The following IGF1R variants were observed in gnomAD, a reference collection of about 807,000 sequenced individuals.
IGF1R encodes the protein insulin-like growth factor 1 receptor.
A neutral mutation model predicts 144.6 loss-of-function variants in IGF1R; 44 were observed. The ratio of observed to expected loss-of-function variants is 0.30; its 90% CI spans 0.24 to 0.39. The LOEUF (loss-of-function observed/expected upper bound fraction) is 0.39, where lower values mean the gene tolerates loss of function less well. IGF1R is among the 10% of genes least tolerant of loss of function. IGF1R has a pLI of 1.00. For synonymous variants in IGF1R, 795 were observed against 722.8 expected, an observed-to-expected ratio of 1.10 and a Z score of -1.60; for missense variants, 1,355 against 1,833.7, an observed-to-expected ratio of 0.74 and a Z score of 4.77.
intron 2 of IGF1R, among the ~76,000 whole-genome samples, chr15:98,858,647 A>G (rs1294840902): frequency 2.0e-5 from 3 of 152,310 alleles, no homozygotes; most frequent in African/African-American, 7.2e-5. Context: ...CACAGACTCC[A>G]CCTTTCAGGA....
In IGF1R at chr15:98,648,639, G is replaced by T. The variant is rs981570115; in HGVS notation, c.-943G>T. On this transcript the variant is annotated 5_prime_UTR_variant, in exon 1 of 21. Coordinates refer to ENST00000650285, the MANE Select transcript of IGF1R (RefSeq NM_000875.5). ...AAAAAAAGGGAAAAAACCCGAGGAGGAGCGAGCGCACCAGGCGAACTCGAG... is the reference window on the plus strand; with the variant it reads ...AAAAAAAGGGAAAAAACCCGAGGAGTAGCGAGCGCACCAGGCGAACTCGAG... Among the ~76,000 whole-genome samples, 2 of 147,124 alleles carry T rather than the reference G, an allele frequency of 1.4e-5. No homozygotes were observed. The highest frequency in any genetic ancestry group is 2.4e-5 in the African/African-American group (1 of 40,818).
intron 11 of IGF1R, among the ~76,000 whole-genome samples, chr15:98,922,919 C>G (rs374795945): frequency 3.9e-4 from 60 of 152,294 alleles, no homozygotes; most frequent in African/African-American, 1.3e-3. Flanking sequence ...GCCTGTCACT[C>G]GGGCATTCAT....
At chr15:98,780,161 TAAATA>T (rs531648154) in intron 2 of IGF1R, among the ~76,000 whole-genome samples, 211 of 151,058 alleles carry the variant, frequency 1.4e-3, no homozygotes, top group Non-Finnish European at 1.7e-3. Flanking sequence ...AATAAAAAAA[TAAATA>T]AAATAAAAAA....
Position 98,665,178 on chromosome 15 carries a change from C to T in IGF1R, c.94+15503C>T, listed in dbSNP as rs192999002. ...GTGTTAGCCAGGATGGTCTTGATCTCCTGACCTTGTGATCCGCCCACCTCG... is the reference window on the plus strand; with the variant it reads ...GTGTTAGCCAGGATGGTCTTGATCTTCTGACCTTGTGATCCGCCCACCTCG... On this transcript the variant is annotated intron_variant, in intron 1 of 20. Coordinates refer to ENST00000650285, the MANE Select transcript of IGF1R (RefSeq NM_000875.5). Among the ~76,000 whole-genome samples, 59 of 152,256 alleles carry T rather than the reference C, an allele frequency of 3.9e-4. No individual in the cohort carries two copies. The East Asian group carries it at 7.9e-3, about 20-fold the overall frequency.
At chr15:98,842,854 A>G (rs557030877) in intron 2 of IGF1R, among the ~76,000 whole-genome samples, 1 of 152,348 alleles carries the variant, frequency 6.6e-6, no homozygotes, top group African/African-American at 2.4e-5. Context: ...CTAGCCATGC[A>G]GTGACTCGTT....
chr15:98,902,781 C>T (rs2014550992), intron 5 of IGF1R, among the ~76,000 whole-genome samples: 1 of 152,208 alleles, frequency 6.6e-6, no homozygotes, highest in South Asian at 2.1e-4. Flanking sequence ...GATGAAAGTT[C>T]TGTTCTGTAG....
chr15:98,921,552 G>A (rs1171051887), intron 10 of IGF1R, among the ~76,000 whole-genome samples: 1 of 152,086 alleles, frequency 6.6e-6, no homozygotes, highest in Admixed American at 6.5e-5. Context: ...AAGCACAGAC[G>A]CTTGGGGTTG....
At chr15:98,781,592 A>T (rs1443287890) in intron 2 of IGF1R, among the ~76,000 whole-genome samples, 2 of 152,198 alleles carry the variant, frequency 1.3e-5, no homozygotes, top group Admixed American at 6.5e-5. Flanking sequence ...GCTATTTATC[A>T]AATGCTTTTT....
intron 20 of IGF1R, among the ~76,000 whole-genome samples, chr15:98,950,814 C>CA (rs1315119206): frequency 1.3e-5 from 2 of 152,170 alleles, no homozygotes; most frequent in Non-Finnish European, 2.9e-5. Context: ...ATATTTACAC[C>CA]AGGGGCAACG....
At chr15:98,664,622 G>GTTGGAGA (rs1237976523) in intron 1 of IGF1R, among the ~76,000 whole-genome samples, 1 of 150,056 alleles carries the variant, frequency 6.7e-6, no homozygotes, top group African/African-American at 2.5e-5. Flanking sequence ...GAGGTTGGAG[G>GTTGGAGA]TTGGAGGTTG....
At chr15:98,916,972 T>C in intron 10 of IGF1R, 96 bp downstream of exon 10, 1 of 1,048,464 alleles carries the variant, frequency 9.5e-7, no homozygotes, top group Non-Finnish European at 1.5e-6. Context: ...AGTCAGCAGC[T>C]GGGGGGTACA....
Position 98,913,025 on chromosome 15 carries a change from G to A in IGF1R, c.1590-19G>A, listed in dbSNP as rs200562620. The A allele has an allele frequency of 1.7e-4, 274 of 1,591,670 alleles. 2 individuals carry two copies. The highest frequency in any genetic ancestry group is 4.3e-4 in the Admixed American group (26 of 60,000). ...GATGTCAGAGCCCCGAACTTTCTCT[G>A]AACTTAATTGTCTTTCAGACCCTTT... On this transcript the variant is annotated intron_variant, in intron 7 of 20. Transcript: ENST00000650285.
At chr15:98,680,223 G>T (rs930182908) in intron 1 of IGF1R, among the ~76,000 whole-genome samples, 2 of 151,688 alleles carry the variant, frequency 1.3e-5, no homozygotes, top group African/African-American at 4.8e-5. Context: ...GCAACTTCCA[G>T]TCCTGCAAGC....
chr15:98,748,261 G>A (rs1180772818), intron 2 of IGF1R, among the ~76,000 whole-genome samples: 3 of 152,164 alleles, frequency 2.0e-5, no homozygotes, highest in Non-Finnish European at 4.4e-5. Flanking sequence ...CAAACACCTG[G>A]GTTCAAGGGA....
intron 2 of IGF1R, among the ~76,000 whole-genome samples, chr15:98,861,423 C>T (rs2012149879): frequency 6.6e-6 from 1 of 152,156 alleles, no homozygotes; most frequent in African/African-American, 2.4e-5. Flanking sequence ...CTGCATGCAG[C>T]GCTGGTGCTC....
At chr15:98,950,769 G>A (rs563765959) in intron 20 of IGF1R, among the ~76,000 whole-genome samples, 1 of 152,260 alleles carries the variant, frequency 6.6e-6, no homozygotes, top group South Asian at 2.1e-4. Context: ...ATGTTCACAA[G>A]TCCCACCCGT....
chr15:98,835,389 A>T (rs534529551), intron 2 of IGF1R, among the ~76,000 whole-genome samples: 1 of 152,308 alleles, frequency 6.6e-6, no homozygotes, highest in African/African-American at 2.4e-5. Context: ...TTCCCTTCTT[A>T]CCCTTTCAAA....
At chr15:98,833,954 C>T (rs1477449121) in intron 2 of IGF1R, among the ~76,000 whole-genome samples, 1 of 151,984 alleles carries the variant, frequency 6.6e-6, no homozygotes, top group Non-Finnish European at 1.5e-5. Flanking sequence ...CTCGAATTAC[C>T]CTTGTTGAGT....
intron 1 of IGF1R, among the ~76,000 whole-genome samples, chr15:98,702,194 A>G (rs940058321): frequency 2.0e-5 from 3 of 152,072 alleles, no homozygotes; most frequent in Non-Finnish European, 4.4e-5. Context: ...TTTAGTTCTT[A>G]GGGATTTATT....
Sources: gnomAD v4.1 joint callset for allele counts (sites outside exome capture counted in the v4.1 genomes callset) on GRCh38, gnomAD v4.1.1 for gene constraint, MANE v1.5 for transcripts, NCBI Gene and HGNC (gene_info 2026-07-23, HGNC 2026-07-21) for gene names.